Variants in SEMA3A observed in about 807,000 individuals in gnomAD.
The protein encoded by SEMA3A is semaphorin 3A.
Under a neutral mutation model 97.9 loss-of-function variants are expected in SEMA3A, and 29 were observed. The observed-to-expected ratio is 0.30, with a 90% CI of 0.22 to 0.40. The LOEUF (loss-of-function observed/expected upper bound fraction) is 0.40. SEMA3A is among the 10% of genes least tolerant of loss of function. The probability of loss-of-function intolerance (pLI) is 1.00; values close to 1 mark genes in which losing one functional copy is unlikely to be tolerated. For synonymous variants in SEMA3A, 321 were observed against 323.7 expected, an observed-to-expected ratio of 0.99 and a Z score of 0.09; for missense variants, 763 against 951.3, an observed-to-expected ratio of 0.80 and a Z score of 2.60.
At chr7:84,466,569 A>T (rs190676443) in intron 1 of SEMA3A, among the ~76,000 whole-genome samples, 5 of 152,298 alleles carry the variant, frequency 3.3e-5, no homozygotes, top group Admixed American at 3.3e-4. Flanking sequence ...GCTCTTTCTT[A>T]AGTAAGAGAT....
intron 3 of SEMA3A, among the ~76,000 whole-genome samples, chr7:84,252,246 A>G (rs1021431290): frequency 2.0e-5 from 3 of 152,180 alleles, no homozygotes; most frequent in Admixed American, 6.6e-5. Flanking sequence ...GGTGGGCATC[A>G]TTCTATGGTA....
rs538117861 is a variant in SEMA3A, at chr7:84,489,238, A to G, written c.-246+3222T>C. 3 of 152,218 alleles carry G rather than the reference A, an allele frequency of 2.0e-5. No individual in the cohort carries two copies. In the East Asian group the frequency reaches 5.8e-4, roughly 30 times the overall value. 9.4% of individuals were successfully genotyped at this position (152,218 alleles called of 1,614,324 possible). A position where few individuals can be genotyped will look rare whatever the true frequency, so the allele number is the denominator to read the frequency against. Reference sequence around the variant, plus strand: ...CATCAGATCTCGTGAGAACTCATTCACTATCAGGAGAGCAGCATGGGGGAA... The same window carrying G: ...CATCAGATCTCGTGAGAACTCATTCGCTATCAGGAGAGCAGCATGGGGGAA... On this transcript the variant is annotated intron_variant, in intron 1 of 3. Coordinates refer to the SEMA3A transcript ENST00000424555.
At chr7:84,038,600 C>T (rs542268063) in intron 6 of SEMA3A, among the ~76,000 whole-genome samples, 3 of 151,986 alleles carry the variant, frequency 2.0e-5, no homozygotes, top group Non-Finnish European at 4.4e-5. Context: ...GACAGTAGGT[C>T]TCCATGCTGT....
chr7:84,079,229 G>C (rs1583927825), intron 4 of SEMA3A, among the ~76,000 whole-genome samples: 1 of 151,874 alleles, frequency 6.6e-6, no homozygotes, highest in African/African-American at 2.4e-5. Context: ...TTAAACATTC[G>C]ACCTAAAACC....
intron 4 of SEMA3A, among the ~76,000 whole-genome samples, chr7:84,073,307 G>A (rs182956017): frequency 6.6e-6 from 1 of 151,848 alleles, no homozygotes; most frequent in Non-Finnish European, 1.5e-5. Flanking sequence ...GTGAGTGTAG[G>A]AGGCCAGTAG....
At chr7:84,163,018 T>C (rs765292153) in intron 1 of SEMA3A, among the ~76,000 whole-genome samples, 38 of 152,198 alleles carry the variant, frequency 2.5e-4, no homozygotes, top group Non-Finnish European at 4.0e-4. Flanking sequence ...TTAATCAGTG[T>C]AATTGCTGGT....
At chr7:84,480,381 A>T (rs1584354627) in intron 1 of SEMA3A, among the ~76,000 whole-genome samples, 1 of 152,376 alleles carries the variant, frequency 6.6e-6, no homozygotes, top group Middle Eastern at 3.4e-3. Context: ...AAACATTAAA[A>T]GTAAATTTTA....
chr7:84,346,087 G>GT (rs777770138), intron 2 of SEMA3A, among the ~76,000 whole-genome samples: 1 of 152,152 alleles, frequency 6.6e-6, no homozygotes, highest in Non-Finnish European at 1.5e-5. Flanking sequence ...CCTTACACTT[G>GT]TAAGTTATGG....
At chr7:84,238,074 T>A (rs1799276777) in intron 3 of SEMA3A, among the ~76,000 whole-genome samples, 3 of 145,628 alleles carry the variant, frequency 2.1e-5, no homozygotes, top group Admixed American at 2.0e-4. Context: ...GGATATTCAA[T>A]TTTTTTTTTT....
chr7:83,990,599 T>A (rs1789871278), intron 12 of SEMA3A, among the ~76,000 whole-genome samples: 2 of 146,206 alleles, frequency 1.4e-5, no homozygotes, highest in Admixed American at 1.4e-4. Context: ...TGCTTGTTTT[T>A]CTCAGGTTTG....
intron 2 of SEMA3A, among the ~76,000 whole-genome samples, chr7:84,129,773 T>C (rs1795909198): frequency 6.6e-6 from 1 of 152,008 alleles, no homozygotes; most frequent in South Asian, 2.1e-4. Flanking sequence ...ATGGTATATG[T>C]TAGAGAAATA....
chr7:84,119,667 G>C (rs919122114), intron 3 of SEMA3A, among the ~76,000 whole-genome samples: 1 of 152,122 alleles, frequency 6.6e-6, no homozygotes, highest in Non-Finnish European at 1.5e-5. Context: ...AAATATGATG[G>C]ACAGTGTACT....
intron 3 of SEMA3A, among the ~76,000 whole-genome samples, chr7:84,218,483 T>C (rs1240777191): frequency 6.6e-6 from 1 of 152,122 alleles, no homozygotes; most frequent in Non-Finnish European, 1.5e-5. Flanking sequence ...AATAGAAAAT[T>C]ATGTATAAAA....
intron 11 of SEMA3A, among the ~76,000 whole-genome samples, 180 bp downstream of exon 11, chr7:84,005,159 G>A (rs537108811): frequency 5.9e-5 from 9 of 152,222 alleles, no homozygotes; most frequent in Non-Finnish European, 1.0e-4. Context: ...TATAGGTAAG[G>A]CTTCCAGTCA....
chr7:84,445,295 T>A (rs1805380707), intron 1 of SEMA3A, among the ~76,000 whole-genome samples: 1 of 150,750 alleles, frequency 6.6e-6, no homozygotes, highest in Non-Finnish European at 1.5e-5. Flanking sequence ...ATCAAGGCCA[T>A]CCTGGCTAAC....
chr7:84,394,982 G>C (rs1803685611), intron 1 of SEMA3A, among the ~76,000 whole-genome samples: 1 of 152,114 alleles, frequency 6.6e-6, no homozygotes, highest in Admixed American at 6.6e-5. Flanking sequence ...TTTCCATTGT[G>C]ATGGCTATTC....
At chr7:83,983,841 T>TG (rs1294981866) in intron 13 of SEMA3A, among the ~76,000 whole-genome samples, 2 of 152,082 alleles carry the variant, frequency 1.3e-5, no homozygotes, top group African/African-American at 4.8e-5. Flanking sequence ...TAACAAAGTG[T>TG]GGGGTATAGC....
intron 3 of SEMA3A, among the ~76,000 whole-genome samples, chr7:84,277,655 T>C (rs2115729181): frequency 6.6e-6 from 1 of 152,240 alleles, no homozygotes; most frequent in East Asian, 1.9e-4. Context: ...TGGCTCATGG[T>C]TCTACAGGCT....
intron 1 of SEMA3A, among the ~76,000 whole-genome samples, chr7:84,172,523 G>A (rs763707260): frequency 1.6e-4 from 25 of 152,060 alleles, no homozygotes; most frequent in East Asian, 7.7e-4. Context: ...CTGGGTTCAC[G>A]CCATTCTCCT....
Sources: gnomAD v4.1 joint callset for allele counts (sites outside exome capture counted in the v4.1 genomes callset) on GRCh38, gnomAD v4.1.1 for gene constraint, MANE v1.5 for transcripts, NCBI Gene and HGNC (gene_info 2026-07-23, HGNC 2026-07-21) for gene names.